The following RNGTT variants were observed in gnomAD, a reference collection of about 807,000 sequenced individuals.
RNGTT encodes RNA guanylyltransferase and 5'-phosphatase.
In RNGTT, 33 loss-of-function variants were observed where a neutral mutation model predicts 79.3. The observed-to-expected ratio is 0.42, with a 90% CI of 0.32 to 0.56. The LOEUF (loss-of-function observed/expected upper bound fraction) is 0.56. Among genes scored for constraint, RNGTT ranks in the 20% least tolerant of loss-of-function variants. RNGTT has a pLI of 0.17. For missense variants in RNGTT, 497 were observed against 739.1 expected (o/e 0.67, Z 3.80); for synonymous variants, 222 against 235.9 (o/e 0.94, Z 0.54).
intron 11 of RNGTT, among the ~76,000 whole-genome samples, chr6:88,818,301 G>C (rs1283315318): frequency 6.6e-6 from 1 of 151,934 alleles, no homozygotes; most frequent in Non-Finnish European, 1.5e-5. Context: ...GTTTACTTTG[G>C]GCTGGGCGCG....
chr6:88,775,389 CA>C (rs1430510542), intron 12 of RNGTT, among the ~76,000 whole-genome samples: 2 of 152,116 alleles, frequency 1.3e-5, no homozygotes, highest in Non-Finnish European at 2.9e-5. Context: ...TACATCTCCC[CA>C]ACTCCCCCAT....
chr6:88,729,080 C>A (rs1185258180), intron 13 of RNGTT, among the ~76,000 whole-genome samples: 3 of 152,180 alleles, frequency 2.0e-5, no homozygotes, highest in Non-Finnish European at 2.9e-5. Context: ...TCGCTCTCTG[C>A]TATATGTCAA....
At chr6:88,662,039 C>A (rs1774206530) in intron 14 of RNGTT, among the ~76,000 whole-genome samples, 1 of 152,062 alleles carries the variant, frequency 6.6e-6, no homozygotes, top group Non-Finnish European at 1.5e-5. Context: ...TGTGATACAC[C>A]ACATAAACAG....
At position 88,916,144 on chromosome 6, in the gene RNGTT, C is replaced by G. The variant is rs190150329; in HGVS notation, c.368-9704G>C. The stretch of plus-strand genomic sequence containing the variant: ...TCCTGAGGATGTAGAGGAACTGGAA[C>G]CCTCATACTGTGGTTTTACCAGTAT... On this transcript the variant is annotated intron_variant, in intron 4 of 15. Coordinates refer to ENST00000369485, the MANE Select transcript of RNGTT (RefSeq NM_003800.5). Among the ~76,000 whole-genome samples, 257 of 152,244 alleles carry G rather than the reference C, an allele frequency of 1.7e-3. 1 individual carries two copies. The highest frequency in any genetic ancestry group is 2.7e-3 in the Non-Finnish European group (181 of 68,010).
intron 11 of RNGTT, 48 bp from the exon 12 acceptor site, chr6:88,801,680 T>A: frequency 8.2e-7 from 1 of 1,214,688 alleles, no homozygotes; most frequent in South Asian, 1.3e-5. Context: ...ATAATCACTT[T>A]AAAAGTATTT....
intron 8 of RNGTT, among the ~76,000 whole-genome samples, chr6:88,856,717 A>G (rs1169110873): frequency 1.3e-5 from 2 of 152,120 alleles, no homozygotes; most frequent in Non-Finnish European, 2.9e-5. Flanking sequence ...ATTCCAAATC[A>G]TATGTTCTTT....
rs1772006121 is a variant in RNGTT, at chr6:88,611,085, C to A, written c.*1634G>T. On this transcript the variant is annotated 3_prime_UTR_variant, in exon 16 of 16. Transcript: ENST00000369485. ...AAAAACACTCTAGTAAAAAACGTTA[C>A]AATGGCGTTTTGGATAAATTCACTA... 6.6e-6 allele frequency: 1 copy of A among 152,142 alleles called. No individual in the cohort carries two copies. Among genetic ancestry groups the A allele is most frequent in the African/African-American group, 2.4e-5 (1 of 41,432 alleles). 9.4% of individuals were successfully genotyped at this position (152,142 alleles called of 1,614,324 possible).
At position 88,656,321 on chromosome 6, in the gene RNGTT, T is replaced by G. The variant is rs78545399; in HGVS notation, c.1506+22032A>C. 1.6e-3 allele frequency among the ~76,000 whole-genome samples: 237 copies of G among 152,272 alleles called. 8 individuals carry two copies. In the East Asian group the frequency reaches 0.041, roughly 27 times the overall value. On this transcript the variant is annotated intron_variant, in intron 14 of 15. Coordinates refer to ENST00000369485, the MANE Select transcript of RNGTT (RefSeq NM_003800.5). ...CTTCATTTATAGTATAAAACTACAG[T>G]TGTGGATATGTTAAGCATGTCCTTT...
chr6:88,672,277 GTATACACATATA>G (rs997006999), intron 14 of RNGTT, among the ~76,000 whole-genome samples: 20 of 148,664 alleles, frequency 1.3e-4, no homozygotes, highest in Non-Finnish European at 2.2e-4. Flanking sequence ...ATATATAAAT[GTATACACATATA>G]TATACACATA....
intron 11 of RNGTT, among the ~76,000 whole-genome samples, chr6:88,806,889 A>G (rs1345135028): frequency 2.0e-5 from 3 of 152,256 alleles, no homozygotes; most frequent in African/African-American, 7.2e-5. Flanking sequence ...TGATACATAT[A>G]CACAATGGAA....
At chr6:88,813,002 G>A (rs1223499991) in intron 11 of RNGTT, among the ~76,000 whole-genome samples, 1 of 152,030 alleles carries the variant, frequency 6.6e-6, no homozygotes, top group Non-Finnish European at 1.5e-5. Context: ...TATATGCCAG[G>A]TACTGTTCCA....
intron 11 of RNGTT, among the ~76,000 whole-genome samples, chr6:88,836,055 A>G (rs1781068194): frequency 6.8e-6 from 1 of 148,040 alleles, no homozygotes; most frequent in Non-Finnish European, 1.5e-5. Context: ...ATATATATAT[A>G]TATAAGATTT....
intron 13 of RNGTT, among the ~76,000 whole-genome samples, chr6:88,741,200 G>T (rs1261374789): frequency 6.6e-6 from 1 of 152,102 alleles, no homozygotes; most frequent in Non-Finnish European, 1.5e-5. Context: ...CGACATAGGT[G>T]CCCATCAACA....
chr6:88,803,835 T>C (rs1292747253), intron 11 of RNGTT, among the ~76,000 whole-genome samples: 1 of 152,042 alleles, frequency 6.6e-6, no homozygotes, highest in Non-Finnish European at 1.5e-5. Context: ...CAATAAAAAA[T>C]AGCCAGTTAG....
At chr6:88,957,119 A>G (rs1216197595) in intron 1 of RNGTT, among the ~76,000 whole-genome samples, 1 of 152,230 alleles carries the variant, frequency 6.6e-6, no homozygotes, top group Non-Finnish European at 1.5e-5. Context: ...CTCAATAGAT[A>G]CAGAAAAAGT....
rs142620776 is a variant in RNGTT, at chr6:88,859,581, T to C, written c.897-5817A>G. Among the ~76,000 whole-genome samples, 17 of 152,244 alleles carry C rather than the reference T, an allele frequency of 1.1e-4. No individual in the cohort carries two copies. The East Asian group carries it at 3.3e-3, about 29-fold the overall frequency. On this transcript the variant is annotated intron_variant, in intron 8 of 15. Transcript: ENST00000369485. ...AAGTTTGAATCCCTATGAACAGGTG[T>C]CCAATAGAGGATGGTCAAACCACTA...
At position 88,952,517 on chromosome 6, in the gene RNGTT, T is replaced by C. The variant is rs142947756; in HGVS notation, c.64+10829A>G. 6.1e-3 allele frequency among the ~76,000 whole-genome samples: 932 copies of C among 152,316 alleles called. 7 individuals are homozygous for C. The highest frequency in any genetic ancestry group is 0.01 in the Admixed American group (156 of 15,302). ...GCTGAAAGCCAACTAACTCAGGCCA[T>C]TACAGCAACTCATGACAAAATAATC... On this transcript the variant is annotated intron_variant, in intron 1 of 15. Transcript: ENST00000369485.
chr6:88,698,318 A>C (rs959133621), intron 13 of RNGTT, among the ~76,000 whole-genome samples: 1 of 140,744 alleles, frequency 7.1e-6, no homozygotes, highest in East Asian at 2.0e-4. Flanking sequence ...TATATATGAA[A>C]TATATATGAA....
At chr6:88,719,648 T>TA (rs1776638186) in intron 13 of RNGTT, among the ~76,000 whole-genome samples, 1 of 152,190 alleles carries the variant, frequency 6.6e-6, no homozygotes, top group South Asian at 2.1e-4. Context: ...TCAGCTTGGC[T>TA]AAAGAACTCA....
Sources: gnomAD v4.1 joint callset for allele counts (sites outside exome capture counted in the v4.1 genomes callset) on GRCh38, gnomAD v4.1.1 for gene constraint, MANE v1.5 for transcripts, NCBI Gene and HGNC (gene_info 2026-07-23, HGNC 2026-07-21) for gene names.